Variants in KHDRBS2 observed in about 807,000 individuals in gnomAD.
The protein encoded by KHDRBS2 is KH domain-containing, RNA-binding, signal transduction-associated protein 2.
KHDRBS2 carries 26 observed loss-of-function variants against 44.3 expected under a neutral mutation model. That is an observed-to-expected ratio of 0.59 (90% CI 0.43 to 0.81). The LOEUF is 0.81. KHDRBS2 is among the 40% of genes least tolerant of loss of function. The pLI, the probability that KHDRBS2 is intolerant of heterozygous loss-of-function variation, is 0.00. For synonymous variants in KHDRBS2, 194 were observed against 151.1 expected, an observed-to-expected ratio of 1.28 and a Z score of -2.08; for missense variants, 476 against 433.1, an observed-to-expected ratio of 1.10 and a Z score of -0.88.
chr6:62,252,218 C>T (rs1474925088), intron 1 of KHDRBS2, among the ~76,000 whole-genome samples: 2 of 151,830 alleles, frequency 1.3e-5, no homozygotes, highest in African/African-American at 2.4e-5. Context: ...TCGAGAAGAA[C>T]ATTTCATGGT....
chr6:61,826,929 C>T (rs1230793266), intron 6 of KHDRBS2, among the ~76,000 whole-genome samples: 1 of 152,090 alleles, frequency 6.6e-6, no homozygotes, highest in Non-Finnish European at 1.5e-5. Flanking sequence ...TAGAAGATGC[C>T]AAGGCCTGTG....
intron 2 of KHDRBS2, among the ~76,000 whole-genome samples, chr6:62,070,096 T>C (rs999777187): frequency 4.0e-5 from 6 of 151,784 alleles, no homozygotes; most frequent in African/African-American, 4.8e-5. Flanking sequence ...TTAATTACTA[T>C]GGTATATTAC....
intron 1 of KHDRBS2, among the ~76,000 whole-genome samples, chr6:62,277,242 C>T (rs530615050): frequency 4.6e-5 from 7 of 151,996 alleles, no homozygotes; most frequent in Admixed American, 3.3e-4. Flanking sequence ...GTAGTTGAAT[C>T]CCCTATAGAT....
chr6:61,842,925 C>G (rs1283889098), intron 6 of KHDRBS2, among the ~76,000 whole-genome samples: 2 of 149,862 alleles, frequency 1.3e-5, no homozygotes, highest in Non-Finnish European at 3.0e-5. Flanking sequence ...TACAGATAAA[C>G]TATCTGTATA....
At chr6:62,119,801 G>A (rs1807157277) in intron 2 of KHDRBS2, among the ~76,000 whole-genome samples, 1 of 152,144 alleles carries the variant, frequency 6.6e-6, no homozygotes, top group South Asian at 2.1e-4. Context: ...AGGCAACAGT[G>A]ATGGCCTCTC....
At position 61,680,062 on chromosome 6, in the gene KHDRBS2, A is replaced by G. The variant is rs1265168537; in HGVS notation, c.*901T>C. 6.6e-6 allele frequency: 1 copy of G among 152,198 alleles called. No homozygotes were observed. Among genetic ancestry groups the G allele is most frequent in the Non-Finnish European group, 1.5e-5 (1 of 67,910 alleles). The allele number at this position is 152,198 out of a possible 1,614,324, so 9.4% of individuals were successfully genotyped here. On this transcript the variant is annotated 3_prime_UTR_variant, in exon 9 of 9. Transcript: ENST00000281156. ...ATTCATGTAACAGTTTAGTTTGTTAACTTTTAAATTATTTAACAACCATAA... is the reference window on the plus strand; with the variant it reads ...ATTCATGTAACAGTTTAGTTTGTTAGCTTTTAAATTATTTAACAACCATAA...
chr6:62,091,690 A>C (rs917801868), intron 2 of KHDRBS2, among the ~76,000 whole-genome samples: 14 of 152,182 alleles, frequency 9.2e-5, no homozygotes, highest in African/African-American at 3.1e-4. Flanking sequence ...CAAAATTTAC[A>C]GGTCATCAAA....
chr6:62,015,357 C>T (rs1471567181), intron 3 of KHDRBS2, among the ~76,000 whole-genome samples: 1 of 152,084 alleles, frequency 6.6e-6, no homozygotes, highest in Non-Finnish European at 1.5e-5. Flanking sequence ...GCCCAGAACC[C>T]ATGTCCTGCT....
At chr6:61,580,630 C>T in the KHDRBS2 span, among the ~76,000 whole-genome samples, 1,818 of 152,242 alleles carry the variant, frequency 0.012, 36 homozygotes, top group African/African-American at 0.042. Flanking sequence ...CACGAACCCA[C>T]TGGGACAAAC....
chr6:62,015,173 G>T (rs1324938831), intron 3 of KHDRBS2, among the ~76,000 whole-genome samples: 9 of 152,030 alleles, frequency 5.9e-5, no homozygotes, highest in Non-Finnish European at 7.4e-5. Context: ...CTGGTTCAAT[G>T]ATATTTTAAG....
chr6:62,061,335 C>T lies in KHDRBS2; in HGVS notation c.220-13341G>A, dbSNP rs374156659. Among the ~76,000 whole-genome samples the T allele has an allele frequency of 1.7e-3, 253 of 151,688 alleles. 1 individual carries two copies. Among genetic ancestry groups the T allele is most frequent in the Non-Finnish European group, 2.5e-3 (173 of 67,846 alleles). Reference sequence around the variant, plus strand: ...ACCGGTTGTTCCTTTCCATGTTCAGCGCTTCCTTCAGGAGCTCTTTTAGGG... The same window carrying T: ...ACCGGTTGTTCCTTTCCATGTTCAGTGCTTCCTTCAGGAGCTCTTTTAGGG... On this transcript the variant is annotated intron_variant, in intron 2 of 8. Coordinates refer to ENST00000281156, the MANE Select transcript of KHDRBS2 (RefSeq NM_152688.4).
intron 6 of KHDRBS2, among the ~76,000 whole-genome samples, chr6:61,821,348 T>C (rs1789883911): frequency 1.3e-5 from 2 of 152,070 alleles, no homozygotes; most frequent in South Asian, 4.1e-4. Flanking sequence ...ACTTTCAAGA[T>C]AATTTTTATA....
At position 61,819,461 on chromosome 6, in the gene KHDRBS2, ATATCT is replaced by A. The variant is rs67450733; in HGVS notation, c.810+75169_810+75173del. Among the ~76,000 whole-genome samples, 812 of 152,154 alleles carry A rather than the reference ATATCT, an allele frequency of 5.3e-3. 5 individuals are homozygous for A. Among genetic ancestry groups the A allele is most frequent in the South Asian group, 0.012 (59 of 4,828 alleles). ...ACATACACAGTTCTCAAGTTGATAC[ATATCT>A]TATCTGTCCATTCTTAATGCTGTAT... is the stretch of plus-strand genomic sequence containing the variant. On this transcript the variant is annotated intron_variant, in intron 6 of 8. Transcript: ENST00000281156.
intron 2 of KHDRBS2, among the ~76,000 whole-genome samples, chr6:62,166,668 A>T (rs1273113389): frequency 6.6e-6 from 1 of 152,018 alleles, no homozygotes; most frequent in Non-Finnish European, 1.5e-5. Context: ...CCCAAAATAC[A>T]GTATTTAAGT....
chr6:61,848,574 T>C (rs9767649), intron 6 of KHDRBS2, among the ~76,000 whole-genome samples: 3,548 of 63,290 alleles, frequency 0.056, 705 homozygotes, highest in African/African-American at 0.21. Context: ...TATATATATA[T>C]ACATATATAT....
At chr6:61,919,720 G>GAAC (rs1018921346) in intron 4 of KHDRBS2, among the ~76,000 whole-genome samples, 17 of 151,062 alleles carry the variant, frequency 1.1e-4, no homozygotes, top group Non-Finnish European at 2.5e-4. Context: ...AAAACCTGAA[G>GAAC]AACAACAACA....
At chr6:61,862,583 G>T (rs1429041385) in intron 6 of KHDRBS2, among the ~76,000 whole-genome samples, 1 of 152,012 alleles carries the variant, frequency 6.6e-6, no homozygotes, top group Non-Finnish European at 1.5e-5. Flanking sequence ...CAGTCCTGGG[G>T]TTTTTGTCTT....
intron 6 of KHDRBS2, among the ~76,000 whole-genome samples, chr6:61,771,127 A>G (rs1356621062): frequency 2.6e-5 from 4 of 152,342 alleles, no homozygotes; most frequent in African/African-American, 7.2e-5. Flanking sequence ...TTTACAGAGA[A>G]GCAAATGCTG....
At chr6:61,916,775 T>G (rs552847493) in intron 4 of KHDRBS2, among the ~76,000 whole-genome samples, 56 of 151,718 alleles carry the variant, frequency 3.7e-4, no homozygotes, top group African/African-American at 1.2e-3. Context: ...TGAGCAAGGG[T>G]GAAAGTGGTA....
Sources: gnomAD v4.1 joint callset for allele counts (sites outside exome capture counted in the v4.1 genomes callset) on GRCh38, gnomAD v4.1.1 for gene constraint, MANE v1.5 for transcripts, NCBI Gene and HGNC (gene_info 2026-07-23, HGNC 2026-07-21) for gene names.